Variants in TSHZ2 observed in about 807,000 individuals in gnomAD.
TSHZ2 encodes teashirt zinc finger homeobox 2, also known as teashirt homolog 2.
Under a neutral mutation model 74.4 loss-of-function variants are expected in TSHZ2, and 21 were observed. That is an observed-to-expected ratio of 0.28 (90% CI 0.20 to 0.41). The LOEUF is 0.41. Among genes scored for constraint, TSHZ2 ranks in the 10% least tolerant of loss-of-function variants. The pLI is 1.00. For synonymous variants in TSHZ2, 540 were observed against 515.3 expected (o/e 1.05, Z -0.65); for missense variants, 1,244 against 1,293.5 (o/e 0.96, Z 0.59).
chr20:53,046,283 A>G (rs1042179441), intron 1 of TSHZ2, among the ~76,000 whole-genome samples: 2 of 152,158 alleles, frequency 1.3e-5, no homozygotes, highest in Admixed American at 1.3e-4. Flanking sequence ...TTCCCAGGAA[A>G]TGATGTTCTA....
At chr20:53,035,441 CA>C (rs1983782527) in intron 1 of TSHZ2, among the ~76,000 whole-genome samples, 1 of 152,048 alleles carries the variant, frequency 6.6e-6, no homozygotes, top group Admixed American at 6.5e-5. Context: ...CACTTAGTGT[CA>C]TAAAAGGTTT....
chr20:53,085,372 AAGAG>A (rs145856132), intron 1 of TSHZ2, among the ~76,000 whole-genome samples: 44 of 150,634 alleles, frequency 2.9e-4, no homozygotes, highest in East Asian at 1.2e-3. Context: ...CTCAAAAAGA[AAGAG>A]AGAGAGAGAG....
intron 2 of TSHZ2, among the ~76,000 whole-genome samples, chr20:53,292,833 C>T (rs1261507849): frequency 6.6e-6 from 1 of 152,186 alleles, no homozygotes; most frequent in Non-Finnish European, 1.5e-5. Context: ...TTTTCCAATT[C>T]AGACAGTCAG....
chr20:53,149,616 C>T (rs1600713098), intron 1 of TSHZ2, among the ~76,000 whole-genome samples: 3 of 152,080 alleles, frequency 2.0e-5, no homozygotes, highest in African/African-American at 7.2e-5. Context: ...ATGAGGAGAC[C>T]GTAACAGGAA....
Position 52,972,946 on chromosome 20 carries a change from CAA to C in TSHZ2, c.-335_-334del, listed in dbSNP as rs560692751. ...AGAAATCAAGTGTCTCAACAGTCACCAAAAAAAAAAAAAACCGCAAAAACAAA... is the reference window on the plus strand; with the variant it reads ...AGAAATCAAGTGTCTCAACAGTCACCAAAAAAAAAAAACCGCAAAAACAAA... On this transcript the variant is annotated 5_prime_UTR_variant, in exon 1 of 3. An upstream open reading frame in the 5' UTR gains an earlier in-frame stop. Coordinates refer to ENST00000371497, the MANE Select transcript of TSHZ2 (RefSeq NM_173485.6). The C allele has an allele frequency of 6.4e-3, 1,111 of 174,036 alleles. No homozygotes were observed. Among genetic ancestry groups the C allele is most frequent in the Middle Eastern group, 0.014 (9 of 634 alleles). 10.8% of individuals were successfully genotyped at this position (174,036 alleles called of 1,614,324 possible).
intron 1 of TSHZ2, among the ~76,000 whole-genome samples, chr20:53,051,005 C>G (rs1219719330): frequency 1.3e-5 from 2 of 152,182 alleles, no homozygotes; most frequent in Non-Finnish European, 2.9e-5. Context: ...CAAGTGGGAA[C>G]TAGAGCATTT....
Position 53,204,386 on chromosome 20 carries a change from TGA to T in TSHZ2, c.41-49112_41-49111del, listed in dbSNP as rs1568811222. Among the ~76,000 whole-genome samples the T allele has an allele frequency of 4.9e-5, 7 of 143,056 alleles. No homozygotes were observed. The East Asian group carries it at 9.0e-4, about 18-fold the overall frequency. 93.9% of individuals were successfully genotyped at this position (143,056 alleles called of 152,430 possible). A position where few individuals can be genotyped will look rare whatever the true frequency, so the allele number is the denominator to read the frequency against. On this transcript the variant is annotated intron_variant, in intron 1 of 2. Transcript: ENST00000371497. ...TATATCATCATATAACATGATGATA[TGA>T]TACTATATCATCATATAACATGATG... is the stretch of plus-strand genomic sequence containing the variant.
intron 1 of TSHZ2, among the ~76,000 whole-genome samples, chr20:53,252,301 A>G (rs2123717204): frequency 6.6e-6 from 1 of 152,376 alleles, no homozygotes; most frequent in South Asian, 2.1e-4. Flanking sequence ...TGGAAATAAC[A>G]GAGCCTGCTC....
chr20:53,196,581 T>C (rs1988875757), intron 1 of TSHZ2: 1 of 152,208 alleles, frequency 6.6e-6, no homozygotes, highest in African/African-American at 2.4e-5. Flanking sequence ...TCCTGCTCTT[T>C]CTGTCTGAAC....
At chr20:53,165,227 T>C (rs1293928556) in intron 1 of TSHZ2, among the ~76,000 whole-genome samples, 1 of 152,220 alleles carries the variant, frequency 6.6e-6, no homozygotes, top group African/African-American at 2.4e-5. Flanking sequence ...ACCTGCAACA[T>C]TTCATTCCCA....
At chr20:52,982,527 T>G (rs1185168871) in intron 1 of TSHZ2, among the ~76,000 whole-genome samples, 1 of 152,226 alleles carries the variant, frequency 6.6e-6, no homozygotes, top group Non-Finnish European at 1.5e-5. Context: ...TGTCCGTACA[T>G]GCATTCATTT....
At chr20:53,434,660 A>G (rs2145739783) in intron 2 of TSHZ2, among the ~76,000 whole-genome samples, 1 of 152,380 alleles carries the variant, frequency 6.6e-6, no homozygotes, top group South Asian at 2.1e-4. Flanking sequence ...ACAAACACAC[A>G]GAACCAAACA....
chr20:53,414,153 T>A (rs1471662420), intron 2 of TSHZ2, among the ~76,000 whole-genome samples: 4 of 151,912 alleles, frequency 2.6e-5, no homozygotes, highest in South Asian at 2.1e-4. Context: ...ATTTAAAAAA[T>A]TTAAAAAGAA....
At position 53,023,774 on chromosome 20, in the gene TSHZ2, A is replaced by C. The variant is rs149853177; in HGVS notation, c.40+50441A>C. The stretch of plus-strand genomic sequence containing the variant: ...TGTGGGAAACAGGAATATCAAGGAC[A>C]TTTTTCTTTCCTGGATTTTCTAGTA... On this transcript the variant is annotated intron_variant, in intron 1 of 2. Transcript: ENST00000371497. 4.8e-3 allele frequency among the ~76,000 whole-genome samples: 725 copies of C among 152,230 alleles called. 2 individuals carry two copies. The highest frequency in any genetic ancestry group is 7.7e-3 in the Non-Finnish European group (524 of 68,012).
chr20:53,397,409 A>G (rs1162348524), intron 2 of TSHZ2, among the ~76,000 whole-genome samples: 9 of 152,380 alleles, frequency 5.9e-5, no homozygotes, highest in African/African-American at 1.9e-4. Context: ...AGAAATGCAA[A>G]TCAAAACCAC....
chr20:53,189,853 G>A (rs188487965), intron 1 of TSHZ2, among the ~76,000 whole-genome samples: 55 of 151,856 alleles, frequency 3.6e-4, no homozygotes, highest in African/African-American at 1.3e-3. Context: ...GGAGGCCAAG[G>A]TGGGCAGATT....
intron 1 of TSHZ2, among the ~76,000 whole-genome samples, chr20:53,139,627 C>T (rs756589167): frequency 7.9e-5 from 12 of 152,180 alleles, no homozygotes; most frequent in Non-Finnish European, 1.3e-4. Flanking sequence ...TGGAATCTTT[C>T]GTGTCAGATA....
chr20:53,094,431 A>C (rs1249097757), intron 1 of TSHZ2, among the ~76,000 whole-genome samples: 1 of 152,182 alleles, frequency 6.6e-6, no homozygotes, highest in African/African-American at 2.4e-5. Flanking sequence ...GTAGTCTTTA[A>C]ACTTCATCAG....
Position 53,476,064 on chromosome 20 carries a change from G to A in TSHZ2, c.*9-11080G>A, listed in dbSNP as rs527241457. On this transcript the variant is annotated intron_variant, in intron 2 of 2. Coordinates refer to ENST00000371497, the MANE Select transcript of TSHZ2 (RefSeq NM_173485.6). ...TCCAGGACCAGATGGATTCACAGCC[G>A]AATTCTACCAGAGGTACAAGGAGGA... is the stretch of plus-strand genomic sequence containing the variant. Among the ~76,000 whole-genome samples the A allele has an allele frequency of 2.3e-3, 324 of 140,380 alleles. 8 individuals carry two copies. The highest frequency in any genetic ancestry group is 7.5e-3 in the African/African-American group (270 of 36,210). 92.1% of individuals were successfully genotyped at this position (140,380 alleles called of 152,430 possible). A position where few individuals can be genotyped will look rare whatever the true frequency, so the allele number is the denominator to read the frequency against.
Sources: gnomAD v4.1 joint callset for allele counts (sites outside exome capture counted in the v4.1 genomes callset) on GRCh38, gnomAD v4.1.1 for gene constraint, MANE v1.5 for transcripts, NCBI Gene and HGNC (gene_info 2026-07-23, HGNC 2026-07-21) for gene names.